Variants in SYNE2 observed in about 807,000 individuals in gnomAD.
SYNE2 encodes the protein nesprin-2.
SYNE2 carries 431 observed loss-of-function variants against 856.3 expected under a neutral mutation model. The observed-to-expected ratio is 0.50, with a 90% CI of 0.47 to 0.55. The LOEUF is 0.55. SYNE2 is among the 20% of genes least tolerant of loss of function. SYNE2 has a pLI of 0.00. For synonymous variants in SYNE2, 2,923 were observed against 2,872.3 expected (o/e 1.02, Z -0.56); for missense variants, 8,129 against 8,023.2 (o/e 1.01, Z -0.50).
At chr14:63,978,413 A>C (rs1451035172) in intron 13 of SYNE2, among the ~76,000 whole-genome samples, 1 of 152,242 alleles carries the variant, frequency 6.6e-6, no homozygotes, top group Non-Finnish European at 1.5e-5. Context: ...AAATACTACA[A>C]ATATTGAGAT....
rs78584513 is a variant in SYNE2, at chr14:64,192,600, A to G, written c.18038+2363A>G. ...ATAGCAAATATATTGCCAGCTGCCT[A>G]TATTCTTAACAATATGCCTTTTATG... On this transcript the variant is annotated intron_variant, in intron 99 of 115. Transcript: ENST00000555002. Among the ~76,000 whole-genome samples, 171 of 152,278 alleles carry G rather than the reference A, an allele frequency of 1.1e-3. 1 individual carries two copies. The highest frequency in any genetic ancestry group is 3.8e-3 in the African/African-American group (159 of 41,530).
In SYNE2 at chr14:63,841,790, T is replaced by A. The variant is rs149616313; in HGVS notation, c.-304-10711T>A. Among the ~76,000 whole-genome samples the A allele has an allele frequency of 6.8e-4, 103 of 152,116 alleles. 1 individual carries two copies. The South Asian group carries it at 0.016, about 24-fold the overall frequency. ...GACATATATTTTTCTGTGAATTGTC[T>A]GTTCATGTTTTTTGCCCATTTTTCT... On this transcript the variant is annotated intron_variant, in intron 1 of 23. Transcript: ENST00000674003.
chr14:63,883,042 G>A (rs2094902502), intron 1 of SYNE2, among the ~76,000 whole-genome samples: 1 of 150,576 alleles, frequency 6.6e-6, no homozygotes, highest in Non-Finnish European at 1.5e-5. Context: ...ATATGCTTCA[G>A]TTCTTTCTTT....
intron 1 of SYNE2, among the ~76,000 whole-genome samples, chr14:63,892,074 A>T (rs577963618): frequency 2.0e-5 from 3 of 152,290 alleles, no homozygotes; most frequent in South Asian, 4.1e-4. Flanking sequence ...AAACATTTCA[A>T]ATTTAGAGAT....
rs1281786998 is a variant in SYNE2, at chr14:63,941,920, A to C, written c.273A>C (p.Arg91Ser). The C allele has an allele frequency of 3.1e-6, 5 of 1,613,374 alleles. No homozygotes were observed. The highest frequency in any genetic ancestry group is 4.2e-6 in the Non-Finnish European group (5 of 1,179,970). The change falls in exon 5 of 116, where the codon AGA becomes AGC. Residue 91 changes from arginine to serine, a missense_variant. Around this residue, in one of 3 missense-constraint regions of SYNE2, gnomAD observed 2,422 missense variants for 2,357.4 expected, o/e 1.03. Transcript: ENST00000555002. ...AAGGATCTAATACCTTCCAGTGTAG[A>C]ATCAATATAGAACATGCCTTGACAT... ...RDKGSNTFQC[R>S]INIEHALTFL... is the part of the protein sequence containing the mutation.
intron 2 of SYNE2, among the ~76,000 whole-genome samples, chr14:63,932,885 C>T (rs374117668): frequency 4.6e-5 from 7 of 152,148 alleles, no homozygotes; most frequent in African/African-American, 1.2e-4. Context: ...ACGTCGTTGG[C>T]GAATTGTAGC....
At position 63,909,099 on chromosome 14, in the gene SYNE2, T is replaced by A; in HGVS notation, c.-50T>A. ...AACATTTATCCATTTCACTTTCAGTTCACTTCTTCAACTGAGATGGACATG... is the reference window on the plus strand; with the variant it reads ...AACATTTATCCATTTCACTTTCAGTACACTTCTTCAACTGAGATGGACATG... On this transcript the variant is annotated splice_region_variant and 5_prime_UTR_variant, in exon 2 of 116. Transcript: ENST00000555002. The A allele has an allele frequency of 7.8e-7, 1 of 1,282,176 alleles. No individual in the cohort carries two copies. The highest frequency in any genetic ancestry group is 1.5e-5 in the African/African-American group (1 of 68,534). 79.4% of individuals were successfully genotyped at this position (1,282,176 alleles called of 1,614,324 possible).
In SYNE2 at chr14:64,049,730, G is replaced by A; in HGVS notation, c.7497G>A (p.Gln2499=). 3 of 1,614,128 alleles carry A rather than the reference G, an allele frequency of 1.9e-6. No homozygotes were observed. Among genetic ancestry groups the A allele is most frequent in the Non-Finnish European group, 2.5e-6 (3 of 1,180,022 alleles). Residue 2499 remains glutamine (Q), a synonymous_variant, in exon 47 of 116, where the codon CAG becomes CAA. Coordinates refer to ENST00000555002, the MANE Select transcript of SYNE2 (RefSeq NM_182914.3). The part of the protein sequence containing the change: ...LVLHNIGYSA[Q]HLDNLLQALI... ...TCCACAATATAGGATATTCGGCACA[G>A]CATTTGGACAATTTGCTTCAGGCAC...
Position 64,051,600 on chromosome 14 carries a change from T to G in SYNE2, c.7687T>G (p.Phe2563Val). Residue 2563 changes from phenylalanine to valine, a missense_variant, in exon 48 of 116, where the codon TTC becomes GTC. Phe to Val is a conservative substitution (Grantham distance 50). Coordinates refer to ENST00000555002, the MANE Select transcript of SYNE2 (RefSeq NM_182914.3). The stretch of plus-strand genomic sequence containing the variant: ...AACGTATCTGGACAAAATTAAAAAA[T>G]TCATAGCATCCATAGAAAAAGAGAA... ...SVTYLDKIKK[F>V]IASIEKEKDS... 1 of 1,613,694 alleles carries G rather than the reference T, an allele frequency of 6.2e-7. No individual in the cohort carries two copies. Among genetic ancestry groups the G allele is most frequent in the Non-Finnish European group, 8.5e-7 (1 of 1,179,906 alleles).
intron 52 of SYNE2, among the ~76,000 whole-genome samples, chr14:64,073,364 A>G (rs1044122267): frequency 6.6e-6 from 1 of 152,206 alleles, no homozygotes; most frequent in Non-Finnish European, 1.5e-5. Context: ...GCTCTGTGTC[A>G]GGAACTGGTC....
chr14:63,974,892 G>GTGTGTGTGTATATATATATATA (rs1375697679), intron 11 of SYNE2, among the ~76,000 whole-genome samples: 1 of 67,326 alleles, frequency 1.5e-5, no homozygotes, highest in African/African-American at 4.5e-5. Context: ...GTGTGTGTGT[G>GTGTGTGTGTATATATATATATA]TATATATATA....
chr14:63,984,970 A>T (rs2153477461), intron 18 of SYNE2, among the ~76,000 whole-genome samples: 1 of 152,240 alleles, frequency 6.6e-6, no homozygotes, highest in East Asian at 1.9e-4. Context: ...AACCTGGGCA[A>T]CGTAGTGAAA....
chr14:63,795,174 T>G (rs1334701357), intron 1 of SYNE2, among the ~76,000 whole-genome samples: 1 of 152,304 alleles, frequency 6.6e-6, no homozygotes, highest in African/African-American at 2.4e-5. Context: ...TGGGTGCATC[T>G]GTGAGGGTGT....
intron 11 of SYNE2, among the ~76,000 whole-genome samples, chr14:63,972,827 A>G (rs1213309878): frequency 6.6e-6 from 1 of 152,248 alleles, no homozygotes; most frequent in Non-Finnish European, 1.5e-5. Flanking sequence ...TGTGCAAAGA[A>G]TAATAGTTGA....
chr14:63,948,748 G>GTATATATATA (rs1159234815), intron 6 of SYNE2, among the ~76,000 whole-genome samples: 4 of 121,582 alleles, frequency 3.3e-5, no homozygotes, highest in South Asian at 2.7e-4. Flanking sequence ...AGATATGTGT[G>GTATATATATA]TGTATATATA....
In SYNE2 at chr14:64,052,871, CAG is replaced by C; in HGVS notation, c.8960_8961del (p.Arg2987ThrfsTer5). The C allele has an allele frequency of 6.2e-7, 1 of 1,613,848 alleles. No individual in the cohort carries two copies. The highest frequency in any genetic ancestry group is 1.7e-5 in the Admixed American group (1 of 59,972). ...VKEEIYNLKDRLTAIKCCILQ... is the reference protein window; with the variant it reads ...VKEEIYNLKDXLTAIKCCILQ... ...AAGAGGAGATCTATAATCTTAAAGA[CAG>C]ACTCACCGCTATTAAGTGTTGCATC... On this transcript the variant is annotated frameshift_variant, in exon 48 of 116. Coordinates refer to ENST00000555002, the MANE Select transcript of SYNE2 (RefSeq NM_182914.3). LOFTEE classifies it high-confidence loss of function.
At chr14:63,933,208 A>G (rs944676790) in intron 2 of SYNE2, among the ~76,000 whole-genome samples, 2 of 152,196 alleles carry the variant, frequency 1.3e-5, no homozygotes, top group Non-Finnish European at 2.9e-5. Context: ...ATCGCTCTGC[A>G]TTTAAGTGAA....
intron 19 of SYNE2, among the ~76,000 whole-genome samples, chr14:63,987,248 C>T (rs554214987): frequency 3.3e-5 from 5 of 151,756 alleles, no homozygotes; most frequent in South Asian, 4.2e-4. Flanking sequence ...GGGTGAGACT[C>T]CTTCTGGGAA....
intron 1 of SYNE2, among the ~76,000 whole-genome samples, chr14:63,898,790 T>C (rs1173922996): frequency 6.6e-6 from 1 of 152,214 alleles, no homozygotes; most frequent in African/African-American, 2.4e-5. Flanking sequence ...TTTTCTACCC[T>C]AACACTTGAT....
Sources: allele counts gnomAD v4.1 joint callset (sites outside exome capture counted in the v4.1 genomes callset), GRCh38; gene constraint gnomAD v4.1.1; regional missense constraint gnomAD v4.1.1; transcripts MANE v1.5; gene names NCBI Gene and HGNC (gene_info 2026-07-23, HGNC 2026-07-21).